PIK3CA: variants seen among roughly 807,000 people sequenced by gnomAD.
The protein encoded by PIK3CA is phosphatidylinositol 4,5-bisphosphate 3-kinase catalytic subunit alpha isoform.
A neutral mutation model predicts 138.2 loss-of-function variants in PIK3CA; 27 were observed. The ratio of observed to expected loss-of-function variants is 0.20; its 90% CI spans 0.14 to 0.27. The LOEUF is 0.27. Among genes scored for constraint, PIK3CA ranks in the 10% least tolerant of loss-of-function variants. The pLI, the probability that PIK3CA is intolerant of heterozygous loss-of-function variation, is 1.00. For missense variants in PIK3CA, 544 were observed against 1,277.4 expected, an observed-to-expected ratio of 0.43 and a Z score of 8.75; for synonymous variants, 358 against 413.2, an observed-to-expected ratio of 0.87 and a Z score of 1.62.
chr3:179,206,843 A>G (rs1032100253), intron 6 of PIK3CA, among the ~76,000 whole-genome samples: 2 of 151,344 alleles, frequency 1.3e-5, no homozygotes, highest in Non-Finnish European at 2.9e-5. Flanking sequence ...ACCTGAGCCC[A>G]GGGAGGTTGA....
intron 1 of PIK3CA, among the ~76,000 whole-genome samples, chr3:179,153,757 A>T (rs1459593183): frequency 6.6e-6 from 1 of 152,192 alleles, no homozygotes; most frequent in Admixed American, 6.5e-5. Context: ...CTTTAAGTTT[A>T]TGTGAAAGTG....
At chr3:179,168,120 A>G (rs570832816) in intron 1 of PIK3CA, among the ~76,000 whole-genome samples, 1 of 152,240 alleles carries the variant, frequency 6.6e-6, no homozygotes, top group East Asian at 1.9e-4. Context: ...GTTCAGTTCC[A>G]CCATTTCTAG....
intron 1 of PIK3CA, among the ~76,000 whole-genome samples, chr3:179,172,635 A>G (rs1055642920): frequency 2.0e-5 from 3 of 152,232 alleles, no homozygotes; most frequent in African/African-American, 7.2e-5. Context: ...GTAGTATTGC[A>G]TAGCTAAATA....
At chr3:179,166,753 T>C (rs1283852189) in intron 1 of PIK3CA, among the ~76,000 whole-genome samples, 25 of 152,196 alleles carry the variant, frequency 1.6e-4, no homozygotes, top group Admixed American at 1.6e-3. Flanking sequence ...TTTTGAAAGC[T>C]CAGTTTCCAA....
At chr3:179,190,047 G>C (rs1188974393) in intron 1 of PIK3CA, among the ~76,000 whole-genome samples, 1 of 152,144 alleles carries the variant, frequency 6.6e-6, no homozygotes, top group East Asian at 1.9e-4. Context: ...TGTACTGAAG[G>C]ATACTTGCTT....
At chr3:179,153,226 T>C (rs931209663) in intron 1 of PIK3CA, among the ~76,000 whole-genome samples, 16 of 152,212 alleles carry the variant, frequency 1.1e-4, no homozygotes, top group African/African-American at 3.9e-4. Context: ...ATCAGCAGAC[T>C]GAAGTTATTG....
At chr3:179,221,696 CTTTT>C (rs200211358) in intron 14 of PIK3CA, among the ~76,000 whole-genome samples, 8,152 of 76,832 alleles carry the variant, frequency 0.11, 320 homozygotes, top group African/African-American at 0.24. Flanking sequence ...ACAATGTAAA[CTTTT>C]TTTTTTTTTT....
intron 1 of PIK3CA, among the ~76,000 whole-genome samples, chr3:179,177,318 T>C (rs1044401656): frequency 1.4e-5 from 2 of 148,028 alleles, no homozygotes; most frequent in African/African-American, 2.5e-5. Flanking sequence ...TTTTCTTTTT[T>C]TTTTTTTTTT....
At chr3:179,184,588 A>T (rs1178550402) in intron 1 of PIK3CA, among the ~76,000 whole-genome samples, 2 of 152,226 alleles carry the variant, frequency 1.3e-5, no homozygotes, top group African/African-American at 4.8e-5. Context: ...CAAAGCAAAA[A>T]GACCTTCTGT....
rs2108418129 is a variant in PIK3CA at position 179,224,787 on chromosome 3, T to A, written c.2382T>A (p.Phe794Leu). Reference protein sequence around the residue: ...ENPDIMSELLFQNNEIIFKNG... With the variant: ...ENPDIMSELLLQNNEIIFKNG... Reference sequence around the variant, plus strand: ...CAGACATCATGTCAGAGTTACTGTTTCAGAACAATGAGATCATCTTTAAAA... The same window carrying A: ...CAGACATCATGTCAGAGTTACTGTTACAGAACAATGAGATCATCTTTAAAA... Residue 794 changes from phenylalanine to leucine, a missense_variant, in exon 16 of 21, where the codon TTT becomes TTA. Phe to Leu is a conservative substitution (Grantham distance 22). Coordinates refer to ENST00000263967, the MANE Select transcript of PIK3CA (RefSeq NM_006218.4). 6.2e-7 allele frequency: 1 copy of A among 1,607,164 alleles called. No individual in the cohort carries two copies. The highest frequency in any genetic ancestry group is 1.1e-5 in the South Asian group (1 of 90,748).
intron 1 of PIK3CA, among the ~76,000 whole-genome samples, chr3:179,164,869 T>TAA (rs111770110): frequency 4.1e-5 from 6 of 145,814 alleles, no homozygotes; most frequent in African/African-American, 1.5e-4. Context: ...AACTCTGTCT[T>TAA]AAAAAAAAAA....
In PIK3CA at chr3:179,240,073, T is replaced by A. The variant is rs1333650046; in HGVS notation, c.*5709T>A. 4 of 1,217,622 alleles carry A rather than the reference T, an allele frequency of 3.3e-6. No individual in the cohort carries two copies. The highest frequency in any genetic ancestry group is 3.3e-6 in the Non-Finnish European group (3 of 905,664). The allele number at this position is 1,217,622 out of a possible 1,614,324, so 75.4% of individuals were successfully genotyped here. On this transcript the variant is annotated 3_prime_UTR_variant, in exon 21 of 21. Coordinates refer to ENST00000263967, the MANE Select transcript of PIK3CA (RefSeq NM_006218.4). ...CAGTCTGTAACATCACGCTGTTTAT[T>A]AAAAAAAAAAAGAAAAATTACTTTT...
chr3:179,153,086 A>T (rs1027300595), intron 1 of PIK3CA, among the ~76,000 whole-genome samples: 1 of 152,186 alleles, frequency 6.6e-6, no homozygotes, highest in Admixed American at 6.5e-5. Context: ...AAACCTTAAA[A>T]TTCAGGAGCC....
At chr3:179,212,094 G>T (rs1724727494) in intron 9 of PIK3CA, among the ~76,000 whole-genome samples, 1 of 141,096 alleles carries the variant, frequency 7.1e-6, no homozygotes, top group South Asian at 2.1e-4. Flanking sequence ...TGCAACCTCT[G>T]CCTCCCGGGT....
intron 16 of PIK3CA, 72 bp from the exon 17 acceptor site, chr3:179,225,890 A>C (rs1480922627): frequency 1.4e-6 from 1 of 740,260 alleles, no homozygotes; most frequent in African/African-American, 1.7e-5. Flanking sequence ...TCATTTGAAA[A>C]CCATGTGATG....
chr3:179,217,566 T>G (rs919481968), intron 9 of PIK3CA, among the ~76,000 whole-genome samples: 4 of 152,096 alleles, frequency 2.6e-5, no homozygotes, highest in African/African-American at 9.7e-5. Flanking sequence ...TATATTTGTT[T>G]TGCATAATAC....
intron 6 of PIK3CA, 144 bp downstream of exon 6, chr3:179,204,732 T>C: frequency 2.1e-6 from 1 of 485,304 alleles, no homozygotes; most frequent in Admixed American, 3.2e-5. Flanking sequence ...AAAAATTAGC[T>C]AGGCACTGGC....
chr3:179,184,468 A>G (rs1423156337), intron 1 of PIK3CA, among the ~76,000 whole-genome samples: 1 of 152,244 alleles, frequency 6.6e-6, no homozygotes, highest in Non-Finnish European at 1.5e-5. Context: ...AAGCTTTATC[A>G]TTAGTCCCTG....
chr3:179,236,615 A>G lies in PIK3CA; in HGVS notation c.*2251A>G, dbSNP rs930883626. On this transcript the variant is annotated 3_prime_UTR_variant, in exon 21 of 21. Transcript: ENST00000263967. ...AAATTTATACCACTTTTGCATTTTTATCTATCAGTCCAGATAGTTGTCTCC... is the reference window on the plus strand; with the variant it reads ...AAATTTATACCACTTTTGCATTTTTGTCTATCAGTCCAGATAGTTGTCTCC... The G allele has an allele frequency of 8.4e-5, 19 of 226,690 alleles. No individual in the cohort carries two copies. The highest frequency in any genetic ancestry group is 3.8e-4 in the African/African-American group (17 of 44,928). The allele number at this position is 226,690 out of a possible 1,614,324, so 14.0% of individuals were successfully genotyped here.
Sources: allele counts gnomAD v4.1 joint callset (sites outside exome capture counted in the v4.1 genomes callset), GRCh38; gene constraint gnomAD v4.1.1; transcripts MANE v1.5; gene names NCBI Gene and HGNC (gene_info 2026-07-23, HGNC 2026-07-21).